The following SEMA5A variants were observed in gnomAD, a reference collection of about 807,000 sequenced individuals.
SEMA5A encodes the protein semaphorin-5A.
Under a neutral mutation model 135.5 loss-of-function variants are expected in SEMA5A, and 55 were observed. The ratio of observed to expected loss-of-function variants is 0.41; its 90% CI spans 0.33 to 0.51. SEMA5A has a LOEUF of 0.51. Ranked by LOEUF, SEMA5A falls within the 20% of genes least tolerant of loss-of-function variation. The pLI, the probability that SEMA5A is intolerant of heterozygous loss-of-function variation, is 0.37. For synonymous variants in SEMA5A, 580 were observed against 546.5 expected, an observed-to-expected ratio of 1.06 and a Z score of -0.85; for missense variants, 1,290 against 1,419.9, an observed-to-expected ratio of 0.91 and a Z score of 1.47.
intron 2 of SEMA5A, among the ~76,000 whole-genome samples, chr5:9,429,894 A>G (rs1009328681): frequency 1.3e-5 from 2 of 152,166 alleles, no homozygotes; most frequent in South Asian, 4.1e-4. Flanking sequence ...CCATCAGAAT[A>G]AGGCAGCAGC....
chr5:9,384,675 T>TAGATATAGATAGATAGATATAGATAG (rs70943959), intron 2 of SEMA5A, among the ~76,000 whole-genome samples: 2 of 64,174 alleles, frequency 3.1e-5, no homozygotes, highest in African/African-American at 5.9e-5. Context: ...GATAGATAGA[T>TAGATATAGATAGATAGATATAGATAG]ATAGATAGAT....
At chr5:9,257,771 C>T (rs1749157340) in intron 5 of SEMA5A, among the ~76,000 whole-genome samples, 1 of 152,074 alleles carries the variant, frequency 6.6e-6, no homozygotes, top group Non-Finnish European at 1.5e-5. Flanking sequence ...TCAGGGCTTG[C>T]AGATGTTTTA....
intron 11 of SEMA5A, among the ~76,000 whole-genome samples, chr5:9,187,313 A>G (rs781186371): frequency 5.9e-5 from 9 of 152,224 alleles, no homozygotes; most frequent in African/African-American, 9.6e-5. Context: ...AGAGTAAATG[A>G]AAAGATCCAC....
rs774742563 is a variant in SEMA5A, at chr5:9,154,482, C to T, written c.1481+6G>A. ...CCAGTGCATCCTGACCCCGGAGATG[C>T]CCTACCTGCGTGTGCGGTAGAACTG... On this transcript the variant is annotated splice_donor_region_variant and intron_variant, in intron 12 of 22. Transcript: ENST00000382496. 5 of 1,611,448 alleles carry T rather than the reference C, an allele frequency of 3.1e-6. No individual in the cohort carries two copies. The highest frequency in any genetic ancestry group is 2.7e-5 in the African/African-American group (2 of 74,814).
At chr5:9,122,331 C>G (rs1177119302) in intron 14 of SEMA5A, among the ~76,000 whole-genome samples, 1 of 152,100 alleles carries the variant, frequency 6.6e-6, no homozygotes, top group East Asian at 1.9e-4. Context: ...ATATCCTACC[C>G]CTAATGGACT....
At position 9,066,665 on chromosome 5, in the gene SEMA5A, C is replaced by T. The variant is rs750726778; in HGVS notation, c.2074-19G>A. 9.3e-6 allele frequency: 15 copies of T among 1,609,418 alleles called. No homozygotes were observed. Among genetic ancestry groups the T allele is most frequent in the East Asian group, 6.7e-5 (3 of 44,862 alleles). ...GGTACTCCTGGGGAGAATGCGCAGA[C>T]GAGTGTTACTATACGGGGTAAACAG... On this transcript the variant is annotated intron_variant, in intron 16 of 22. Transcript: ENST00000382496.
chr5:9,102,602 A>G (rs1245840656), intron 16 of SEMA5A, among the ~76,000 whole-genome samples: 1 of 152,154 alleles, frequency 6.6e-6, no homozygotes, highest in Non-Finnish European at 1.5e-5. Flanking sequence ...TAAATTATTT[A>G]TACTTACTAA....
chr5:9,291,333 C>T (rs896123673), intron 5 of SEMA5A, among the ~76,000 whole-genome samples: 2 of 152,186 alleles, frequency 1.3e-5, no homozygotes, highest in Non-Finnish European at 2.9e-5. Flanking sequence ...CCATCCACAA[C>T]TGGAGTCTAT....
intron 5 of SEMA5A, among the ~76,000 whole-genome samples, chr5:9,302,963 A>G (rs530392688): frequency 1.3e-5 from 2 of 152,268 alleles, no homozygotes; most frequent in Admixed American, 1.3e-4. Context: ...ATGCATATAT[A>G]TGACAGACAA....
intron 1 of SEMA5A, among the ~76,000 whole-genome samples, chr5:9,479,114 A>G (rs1021797464): frequency 2.0e-5 from 3 of 152,166 alleles, no homozygotes; most frequent in Non-Finnish European, 4.4e-5. Flanking sequence ...TTCACCTTCC[A>G]CCATGATTGT....
At chr5:9,315,255 G>GCTT (rs1752339517) in intron 5 of SEMA5A, among the ~76,000 whole-genome samples, 5 of 152,022 alleles carry the variant, frequency 3.3e-5, no homozygotes. Context: ...CATGTGTATA[G>GCTT]CTTCTATGTA....
intron 11 of SEMA5A, among the ~76,000 whole-genome samples, chr5:9,174,505 T>C (rs1048772325): frequency 6.6e-6 from 1 of 152,226 alleles, no homozygotes; most frequent in Non-Finnish European, 1.5e-5. Flanking sequence ...TGTAACACCA[T>C]TGTTACTGCT....
At chr5:9,350,530 T>C (rs1208744775) in intron 3 of SEMA5A, among the ~76,000 whole-genome samples, 1 of 152,168 alleles carries the variant, frequency 6.6e-6, no homozygotes, top group African/African-American at 2.4e-5. Flanking sequence ...CAGTTTACAG[T>C]GGGGACCTGT....
chr5:9,319,131 G>A (rs1332159539), intron 4 of SEMA5A, among the ~76,000 whole-genome samples: 1 of 152,224 alleles, frequency 6.6e-6, no homozygotes, highest in Admixed American at 6.5e-5. Context: ...TTGGTCCTGG[G>A]AGGTGGAGGT....
chr5:9,103,768 A>C (rs2150146613), intron 16 of SEMA5A, among the ~76,000 whole-genome samples: 2 of 152,354 alleles, frequency 1.3e-5, no homozygotes, highest in African/African-American at 4.8e-5. Flanking sequence ...TAATTTAAGA[A>C]GTAATTCTAT....
At chr5:9,050,299 G>A (rs147259457) in intron 21 of SEMA5A, 111 bp downstream of exon 21, 137 of 960,888 alleles carry the variant, frequency 1.4e-4, no homozygotes, top group Middle Eastern at 1.1e-3. Context: ...GACTTTCTCC[G>A]GTTTTTCATT....
chr5:9,539,272 T>G, intron 1 of SEMA5A, among the ~76,000 whole-genome samples: 1 of 152,372 alleles, frequency 6.6e-6, no homozygotes, highest in Admixed American at 6.5e-5. Context: ...TCATACATAT[T>G]GCAGCATATA....
At chr5:9,284,247 T>A (rs1183142479) in intron 5 of SEMA5A, among the ~76,000 whole-genome samples, 1 of 152,160 alleles carries the variant, frequency 6.6e-6, no homozygotes, top group African/African-American at 2.4e-5. Context: ...AGGTAGGCAA[T>A]CAAGGGTTCC....
At chr5:9,422,274 A>G (rs1035613376) in intron 2 of SEMA5A, 1 of 152,238 alleles carries the variant, frequency 6.6e-6, no homozygotes, top group South Asian at 2.1e-4. Context: ...CTGCTCCTGA[A>G]TAATTCTTCA....
Sources: gnomAD v4.1 joint callset for allele counts (sites outside exome capture counted in the v4.1 genomes callset) on GRCh38, gnomAD v4.1.1 for gene constraint, MANE v1.5 for transcripts, NCBI Gene and HGNC (gene_info 2026-07-23, HGNC 2026-07-21) for gene names.